COL27A1: variants seen among roughly 807,000 people sequenced by gnomAD.
COL27A1 encodes collagen type XXVII alpha 1 chain.
COL27A1 carries 106 observed loss-of-function variants against 251.3 expected under a neutral mutation model. The ratio of observed to expected loss-of-function variants is 0.42; its 90% CI spans 0.36 to 0.50. COL27A1 has a LOEUF of 0.50. Among genes scored for constraint, COL27A1 ranks in the 20% least tolerant of loss-of-function variants. The pLI, the probability that COL27A1 is intolerant of heterozygous loss-of-function variation, is 0.00. For synonymous variants in COL27A1, 1,000 were observed against 986.3 expected, an observed-to-expected ratio of 1.01 and a Z score of -0.26; for missense variants, 2,325 against 2,522.8, an observed-to-expected ratio of 0.92 and a Z score of 1.68.
In COL27A1 at chr9:114,244,680, G is replaced by T. The variant is rs528809686; in HGVS notation, c.2934+1120G>T. On this transcript the variant is annotated intron_variant, in intron 23 of 60. Transcript: ENST00000356083. The stretch of plus-strand genomic sequence containing the variant: ...GAGGTCCAGGGAGGAGCCGAAGGGG[G>T]AGGAGGCTCCACCCAGGCTTGCAGT... 1.7e-4 allele frequency among the ~76,000 whole-genome samples: 26 copies of T among 152,354 alleles called. 1 individual carries two copies. The South Asian group carries it at 5.2e-3, about 30-fold the overall frequency.
intron 26 of COL27A1, 70 bp from the exon 27 acceptor site, chr9:114,252,809 C>T: frequency 6.5e-7 from 1 of 1,527,812 alleles, no homozygotes; most frequent in Non-Finnish European, 9.1e-7. Context: ...TGGGGCTGAG[C>T]CGACCGAGGT....
chr9:114,219,777 C>T lies in COL27A1; in HGVS notation c.2368-14C>T, dbSNP rs1830951541. Reference sequence around the variant, plus strand: ...ACTAACCTACAGATGTTTGTTCTCTCTCATGCCCTCCAGGGGTTTCCTGGA... The same window carrying T: ...ACTAACCTACAGATGTTTGTTCTCTTTCATGCCCTCCAGGGGTTTCCTGGA... On this transcript the variant is annotated splice_polypyrimidine_tract_variant and intron_variant, in intron 12 of 60. Coordinates refer to ENST00000356083, the MANE Select transcript of COL27A1 (RefSeq NM_032888.4). The T allele has an allele frequency of 6.3e-7, 1 of 1,597,030 alleles. No homozygotes were observed. Among genetic ancestry groups the T allele is most frequent in the East Asian group, 2.2e-5 (1 of 44,780 alleles).
intron 36 of COL27A1, chr9:114,271,511 C>G (rs1307398247): frequency 6.6e-6 from 1 of 152,540 alleles, no homozygotes; most frequent in Non-Finnish European, 1.5e-5. Flanking sequence ...GGTGCCAAAG[C>G]CTGCTGGCCC....
intron 41 of COL27A1, among the ~76,000 whole-genome samples, chr9:114,286,248 C>T (rs762815686): frequency 6.6e-6 from 1 of 152,176 alleles, no homozygotes; most frequent in Non-Finnish European, 1.5e-5. Context: ...ACCCATTGAG[C>T]ACACGCCCAC....
At chr9:114,243,739 G>C (rs578059579) in intron 23 of COL27A1, among the ~76,000 whole-genome samples, 179 bp downstream of exon 23, 12 of 152,214 alleles carry the variant, frequency 7.9e-5, no homozygotes, top group Admixed American at 5.2e-4. Context: ...GTGTCCAACT[G>C]TGGGGGATTG....
At chr9:114,250,376 C>T (rs572275277) in intron 24 of COL27A1, among the ~76,000 whole-genome samples, 156 of 152,312 alleles carry the variant, frequency 1.0e-3, no homozygotes, top group Non-Finnish European at 1.1e-3. Context: ...TGTGGCGCTC[C>T]CAGGGATGTT....
At chr9:114,166,424 C>T (rs1848882463) in intron 2 of COL27A1, among the ~76,000 whole-genome samples, 1 of 121,178 alleles carries the variant, frequency 8.3e-6, no homozygotes, top group Non-Finnish European at 1.9e-5. Context: ...TTTATCCATT[C>T]ATCCATCCAT....
chr9:114,193,438 C>CA (rs1158791600), intron 5 of COL27A1, among the ~76,000 whole-genome samples: 3 of 152,082 alleles, frequency 2.0e-5, no homozygotes, highest in African/African-American at 4.8e-5. Flanking sequence ...ATGGGGGACT[C>CA]ACTGCTTGTC....
At chr9:114,218,053 G>T in intron 12 of COL27A1, 1 of 352,246 alleles carries the variant, frequency 2.8e-6, no homozygotes, top group Non-Finnish European at 5.6e-6. Context: ...GTTGCAGTGA[G>T]CAGTTATCAC....
chr9:114,267,817 G>A (rs1035546393), intron 34 of COL27A1, among the ~76,000 whole-genome samples: 4 of 152,274 alleles, frequency 2.6e-5, no homozygotes, highest in Middle Eastern at 3.4e-3. Flanking sequence ...GGCCTCATGC[G>A]ATACCATCTG....
chr9:114,282,517 C>T lies in COL27A1; in HGVS notation c.3832C>T (p.Pro1278Ser), dbSNP rs1461413219. The T allele has an allele frequency of 6.4e-6, 10 of 1,570,364 alleles. No homozygotes were observed. The highest frequency in any genetic ancestry group is 6.9e-6 in the Non-Finnish European group (8 of 1,160,422). ...GGGCGTCCCTGGAGACCCTGGACCC[C>T]CTGGCACTCCAGGCCCTAAAGGGTC... is the stretch of plus-strand genomic sequence containing the variant. Reference protein sequence around the residue: ...EMGVPGDPGPPGTPGPKGSRG... With the variant: ...EMGVPGDPGPSGTPGPKGSRG... The change falls in exon 39 of 61, where the codon CCT becomes TCT. Residue 1278 changes from proline (P) to serine (S), a missense_variant. By Grantham distance (74) the Pro-to-Ser change is moderately conservative (BLOSUM62 -1). Around this residue, in one of 4 missense-constraint regions of COL27A1, gnomAD observed 662 missense variants for 795.3 expected, o/e 0.83. Transcript: ENST00000356083.
intron 12 of COL27A1, among the ~76,000 whole-genome samples, chr9:114,219,453 A>C (rs571654687): frequency 2.0e-5 from 3 of 152,250 alleles, no homozygotes; most frequent in South Asian, 2.1e-4. Flanking sequence ...AGGCTCTTAA[A>C]ACTGGCATAG....
intron 15 of COL27A1, 50 bp downstream of exon 15, chr9:114,231,182 C>T: frequency 6.4e-7 from 1 of 1,555,296 alleles, no homozygotes; most frequent in Non-Finnish European, 8.9e-7. Context: ...GCTGGGCACC[C>T]CCGACCCATT....
At chr9:114,267,112 C>A (rs574374447) in intron 33 of COL27A1, among the ~76,000 whole-genome samples, 2 of 152,340 alleles carry the variant, frequency 1.3e-5, no homozygotes, top group Admixed American at 6.5e-5. Flanking sequence ...TTCCCACCCG[C>A]CTCACGCTGG....
intron 1 of COL27A1, among the ~76,000 whole-genome samples, chr9:114,158,339 A>G (rs1450336841): frequency 6.6e-6 from 1 of 152,220 alleles, no homozygotes; most frequent in Non-Finnish European, 1.5e-5. Flanking sequence ...AGGATGGAAG[A>G]AAACTATCCA....
At chr9:114,176,847 T>C (rs1827498127) in intron 3 of COL27A1, among the ~76,000 whole-genome samples, 1 of 152,202 alleles carries the variant, frequency 6.6e-6, no homozygotes. Flanking sequence ...TTTTTATTCA[T>C]GGACGAGCAA....
intron 4 of COL27A1, among the ~76,000 whole-genome samples, 196 bp from the exon 5 acceptor site, chr9:114,182,826 T>C (rs1037312346): frequency 6.6e-6 from 1 of 152,150 alleles, no homozygotes; most frequent in African/African-American, 2.4e-5. Flanking sequence ...GCACATGGGA[T>C]GTGCTTCCCA....
chr9:114,170,216 G>A (rs749367082), intron 3 of COL27A1, among the ~76,000 whole-genome samples: 1 of 152,218 alleles, frequency 6.6e-6, no homozygotes, highest in African/African-American at 2.4e-5. Context: ...CCCGGTAGGA[G>A]TTTGGGGTGC....
Position 114,283,769 on chromosome 9 carries a change from A to T in COL27A1, c.3933+7A>T. On this transcript the variant is annotated splice_region_variant and intron_variant, in intron 40 of 60. Transcript: ENST00000356083. ...GGGACTGGCTGGTTATGATGTAAGC[A>T]GATATCACCTCACCCCACCCCCCGA... is the stretch of plus-strand genomic sequence containing the variant. 1 of 1,614,026 alleles carries T rather than the reference A, an allele frequency of 6.2e-7. No homozygotes were observed. Among genetic ancestry groups the T allele is most frequent in the Non-Finnish European group, 8.5e-7 (1 of 1,179,938 alleles).
Sources: allele counts gnomAD v4.1 joint callset (sites outside exome capture counted in the v4.1 genomes callset), GRCh38; gene constraint gnomAD v4.1.1; regional missense constraint gnomAD v4.1.1; transcripts MANE v1.5; gene names NCBI Gene and HGNC (gene_info 2026-07-23, HGNC 2026-07-21).